The following FGF12 variants were observed in gnomAD, a reference collection of about 807,000 sequenced individuals.
The protein encoded by FGF12 is fibroblast growth factor 12B.
In FGF12, 14 loss-of-function variants were observed where a neutral mutation model predicts 23.6. The ratio of observed to expected loss-of-function variants is 0.59; its 90% confidence interval spans 0.39 to 0.93. FGF12 has a LOEUF of 0.93. Among genes scored for constraint, FGF12 ranks in the 40% least tolerant of loss-of-function variants. FGF12 has a pLI of 0.00. For synonymous variants in FGF12, 62 were observed against 77.3 expected (o/e 0.80, Z 1.04); for missense variants, 175 against 217.8 (o/e 0.80, Z 1.24).
intron 2 of FGF12, among the ~76,000 whole-genome samples, chr3:192,402,286 C>T (rs1720794837): frequency 6.6e-6 from 1 of 152,184 alleles, no homozygotes; most frequent in Non-Finnish European, 1.5e-5. Context: ...TGTGGCACCC[C>T]TTCATATCAT....
chr3:192,234,583 A>G (rs1213839371), intron 4 of FGF12, among the ~76,000 whole-genome samples: 1 of 152,020 alleles, frequency 6.6e-6, no homozygotes, highest in Non-Finnish European at 1.5e-5. Context: ...GTTGAATAGG[A>G]GTGGTGAGAG....
chr3:192,505,434 GT>G (rs1167104488), intron 2 of FGF12, among the ~76,000 whole-genome samples: 4 of 152,080 alleles, frequency 2.6e-5, no homozygotes, highest in African/African-American at 9.7e-5. Flanking sequence ...TAGAATAATT[GT>G]TTAGTCCCAT....
intron 5 of FGF12, among the ~76,000 whole-genome samples, chr3:192,165,234 T>TCCAA (rs1715097071): frequency 6.6e-6 from 1 of 151,992 alleles, no homozygotes; most frequent in African/African-American, 2.4e-5. Context: ...GGAATACAGG[T>TCCAA]ATGAGCCACT....
intron 4 of FGF12, among the ~76,000 whole-genome samples, chr3:192,239,205 T>G (rs1719466279): frequency 6.6e-6 from 1 of 152,192 alleles, no homozygotes. Flanking sequence ...TCTATTTGGT[T>G]TGCATACAAA....
chr3:192,496,248 A>G (rs1158342707), intron 2 of FGF12, among the ~76,000 whole-genome samples: 1 of 152,044 alleles, frequency 6.6e-6, no homozygotes, highest in Non-Finnish European at 1.5e-5. Context: ...TGCTTAAAAC[A>G]AATGTTCCCA....
chr3:192,622,710 G>A (rs1405544405), intron 2 of FGF12, among the ~76,000 whole-genome samples: 2 of 152,128 alleles, frequency 1.3e-5, no homozygotes, highest in African/African-American at 2.4e-5. Context: ...TTCATAAACT[G>A]TGAAACACCT....
chr3:192,158,021 T>A (rs940872643), intron 5 of FGF12, among the ~76,000 whole-genome samples: 1 of 152,188 alleles, frequency 6.6e-6, no homozygotes, highest in Non-Finnish European at 1.5e-5. Flanking sequence ...TTAAAATCCA[T>A]TTGAGACTAA....
At chr3:192,382,297 C>G (rs1719851630) in intron 2 of FGF12, among the ~76,000 whole-genome samples, 1 of 152,100 alleles carries the variant, frequency 6.6e-6, no homozygotes, top group African/African-American at 2.4e-5. Flanking sequence ...CCCGGCCTAG[C>G]ATAACACTTT....
chr3:192,447,359 G>A (rs1453015853), intron 2 of FGF12, among the ~76,000 whole-genome samples: 3 of 152,000 alleles, frequency 2.0e-5, no homozygotes, highest in Non-Finnish European at 1.5e-5. Context: ...AAACATTGGG[G>A]TCTTTAAAGA....
At chr3:192,638,222 C>A (rs974070126) in intron 2 of FGF12, among the ~76,000 whole-genome samples, 3 of 152,158 alleles carry the variant, frequency 2.0e-5, no homozygotes, top group African/African-American at 7.2e-5. Context: ...CATAAAAGGT[C>A]AATTACAACT....
chr3:192,185,395 T>C (rs1001615721), intron 4 of FGF12, among the ~76,000 whole-genome samples: 1 of 152,212 alleles, frequency 6.6e-6, no homozygotes, highest in South Asian at 2.1e-4. Flanking sequence ...CTGTTCCATG[T>C]CGGGAGTAGT....
chr3:192,602,376 C>A (rs1000191594), intron 2 of FGF12, among the ~76,000 whole-genome samples: 1 of 152,084 alleles, frequency 6.6e-6, no homozygotes, highest in Non-Finnish European at 1.5e-5. Flanking sequence ...TTTGAGACAT[C>A]ATGGTCAGGG....
At chr3:192,405,880 T>C (rs964271121) in intron 2 of FGF12, among the ~76,000 whole-genome samples, 2 of 152,222 alleles carry the variant, frequency 1.3e-5, no homozygotes, top group Non-Finnish European at 2.9e-5. Flanking sequence ...ACACACCACA[T>C]GCCCATTCTT....
At chr3:192,384,753 C>A (rs1450592034) in intron 2 of FGF12, among the ~76,000 whole-genome samples, 7 of 152,200 alleles carry the variant, frequency 4.6e-5, no homozygotes, top group Admixed American at 3.3e-4. Flanking sequence ...CACTTTCAGG[C>A]TCCGGGGGTG....
At chr3:192,510,101 G>A (rs1024059064) in intron 2 of FGF12, among the ~76,000 whole-genome samples, 1 of 152,150 alleles carries the variant, frequency 6.6e-6, no homozygotes, top group African/African-American at 2.4e-5. Flanking sequence ...AAGAACCTGA[G>A]GTGAGTTGTG....
rs546820195 is a variant in FGF12 at position 192,160,002 on chromosome 3, A to G, written c.427+10456T>C. Among the ~76,000 whole-genome samples, 4 of 151,822 alleles carry G rather than the reference A, an allele frequency of 2.6e-5. No individual in the cohort carries two copies. The South Asian group carries it at 8.3e-4, about 32-fold the overall frequency. ...TGTACACATTTCAGCACACAGACCC[A>G]TTATTCGCCCAGTTCATCATGCCTA... is the stretch of plus-strand genomic sequence containing the variant. On this transcript the variant is annotated intron_variant, in intron 5 of 5. Transcript: ENST00000445105.
chr3:192,641,034 G>A (rs997595858), intron 2 of FGF12, among the ~76,000 whole-genome samples: 2 of 151,480 alleles, frequency 1.3e-5, no homozygotes, highest in African/African-American at 4.9e-5. Flanking sequence ...TGGTCTCAAT[G>A]ATCCACCTGC....
intron 3 of FGF12, among the ~76,000 whole-genome samples, chr3:192,356,311 C>A (rs1332854462): frequency 1.3e-5 from 2 of 152,162 alleles, no homozygotes; most frequent in African/African-American, 4.8e-5. Context: ...CATTCCATAT[C>A]AAATGCTCTT....
intron 2 of FGF12, among the ~76,000 whole-genome samples, chr3:192,568,981 T>A (rs1420263215): frequency 6.6e-6 from 1 of 152,106 alleles, no homozygotes; most frequent in Non-Finnish European, 1.5e-5. Flanking sequence ...ACGTTGGTTC[T>A]CCAAAGTTGA....
Sources: gnomAD v4.1 joint callset for allele counts (sites outside exome capture counted in the v4.1 genomes callset) on GRCh38, gnomAD v4.1.1 for gene constraint, MANE v1.5 for transcripts, NCBI Gene and HGNC (gene_info 2026-07-23, HGNC 2026-07-21) for gene names.